CFAP299: variants seen among roughly 807,000 people sequenced by gnomAD.
The protein encoded by CFAP299 is cilia and flagella associated protein 299.
In CFAP299, 21 loss-of-function variants were observed where a neutral mutation model predicts 27.0. The ratio of observed to expected loss-of-function variants is 0.78; its 90% confidence interval spans 0.55 to 1.12. The LOEUF is 1.12. CFAP299 is among the 50% of genes most tolerant of loss of function. CFAP299 has a pLI of 0.00. For synonymous variants in CFAP299, 104 were observed against 98.1 expected, an observed-to-expected ratio of 1.06 and a Z score of -0.36; for missense variants, 310 against 276.6, an observed-to-expected ratio of 1.12 and a Z score of -0.86.
At chr4:80,387,641 C>T (rs1302261173) in intron 2 of CFAP299, 1 of 1,516,312 alleles carries the variant, frequency 6.6e-7, no homozygotes, top group Non-Finnish European at 9.2e-7. Flanking sequence ...GAAGGCCATA[C>T]CTTGTGGGTC....
intron 3 of CFAP299, among the ~76,000 whole-genome samples, chr4:80,743,958 G>A (rs1488084552): frequency 2.0e-5 from 3 of 152,146 alleles, no homozygotes; most frequent in Non-Finnish European, 1.5e-5. Flanking sequence ...CTGTTCCTTG[G>A]GAGATTTACT....
intron 4 of CFAP299, among the ~76,000 whole-genome samples, chr4:80,883,294 AG>A (rs1733806078): frequency 6.6e-6 from 1 of 152,178 alleles, no homozygotes; most frequent in Non-Finnish European, 1.5e-5. Flanking sequence ...TGCAAGATAC[AG>A]AAAATATAAA....
At chr4:80,850,979 T>C (rs1489535466) in intron 3 of CFAP299, among the ~76,000 whole-genome samples, 4 of 152,088 alleles carry the variant, frequency 2.6e-5, no homozygotes, top group Non-Finnish European at 5.9e-5. Context: ...TGGTTGATAG[T>C]GTAGATATTT....
At chr4:80,571,077 G>A (rs906090745) in intron 2 of CFAP299, among the ~76,000 whole-genome samples, 1 of 152,060 alleles carries the variant, frequency 6.6e-6, no homozygotes, top group African/African-American at 2.4e-5. Flanking sequence ...CTAAAATTTG[G>A]AGACTGACAT....
chr4:80,517,945 TGCTG>T (rs1732668377), intron 2 of CFAP299, among the ~76,000 whole-genome samples: 1 of 152,114 alleles, frequency 6.6e-6, no homozygotes. Context: ...CTGGGTGCCT[TGCTG>T]AGATCTAAGA....
intron 2 of CFAP299, among the ~76,000 whole-genome samples, chr4:80,555,874 A>C (rs1250576608): frequency 1.3e-5 from 2 of 151,822 alleles, no homozygotes; most frequent in Non-Finnish European, 2.9e-5. Context: ...GTTTATTTGG[A>C]TCTTCTATCT....
At chr4:80,942,665 A>G (rs1431953331) in intron 4 of CFAP299, among the ~76,000 whole-genome samples, 1 of 152,176 alleles carries the variant, frequency 6.6e-6, no homozygotes, top group African/African-American at 2.4e-5. Flanking sequence ...GACTTCAATA[A>G]GACTTTTAAT....
chr4:80,700,080 A>G (rs1721377097), intron 3 of CFAP299, among the ~76,000 whole-genome samples: 1 of 152,140 alleles, frequency 6.6e-6, no homozygotes, highest in African/African-American at 2.4e-5. Context: ...CTAACCCAAT[A>G]AAGGAAGTGA....
intron 2 of CFAP299, among the ~76,000 whole-genome samples, chr4:80,462,793 A>G (rs1223809763): frequency 6.6e-6 from 1 of 152,100 alleles, no homozygotes; most frequent in African/African-American, 2.4e-5. Context: ...TCATTAGTCT[A>G]TTACTCAGCA....
intron 4 of CFAP299, among the ~76,000 whole-genome samples, chr4:80,943,850 C>T (rs113309012): frequency 5.2e-4 from 79 of 151,958 alleles, no homozygotes; most frequent in African/African-American, 1.7e-3. Flanking sequence ...GGGCAGATCA[C>T]GAGGTCAAAA....
At chr4:80,661,622 C>T (rs1740852403) in intron 3 of CFAP299, among the ~76,000 whole-genome samples, 1 of 152,066 alleles carries the variant, frequency 6.6e-6, no homozygotes, top group Non-Finnish European at 1.5e-5. Flanking sequence ...AATGTCGCCT[C>T]AGGACCCTGT....
At chr4:80,673,354 A>T (rs1444990495) in intron 3 of CFAP299, among the ~76,000 whole-genome samples, 1 of 152,096 alleles carries the variant, frequency 6.6e-6, no homozygotes, top group Admixed American at 6.6e-5. Flanking sequence ...TTCTACTTTG[A>T]TTGCACTGTG....
At chr4:80,586,158 G>A (rs1736425415) in intron 3 of CFAP299, among the ~76,000 whole-genome samples, 1 of 151,974 alleles carries the variant, frequency 6.6e-6, no homozygotes, top group South Asian at 2.1e-4. Context: ...TCTTTGTAAG[G>A]TGGGAATTAA....
At chr4:80,390,859 G>GTATAGGCGCACATATATGTATATA (rs1725409057) in intron 2 of CFAP299, among the ~76,000 whole-genome samples, 2 of 119,886 alleles carry the variant, frequency 1.7e-5, no homozygotes, top group African/African-American at 6.0e-5. Flanking sequence ...ATATGTATAT[G>GTATAGGCGCACATATATGTATATA]TATATGCGCA....
At chr4:80,903,880 ATAAAGT>A (rs1181818948) in intron 4 of CFAP299, among the ~76,000 whole-genome samples, 1 of 152,196 alleles carries the variant, frequency 6.6e-6, no homozygotes, top group Non-Finnish European at 1.5e-5. Flanking sequence ...TCATAGAAAA[ATAAAGT>A]TAAAGTCATA....
At chr4:80,787,016 G>A (rs948298912) in intron 3 of CFAP299, among the ~76,000 whole-genome samples, 9 of 151,866 alleles carry the variant, frequency 5.9e-5, no homozygotes, top group East Asian at 1.9e-4. Flanking sequence ...TCAGAGATTT[G>A]TCCCAATAAA....
chr4:80,921,244 C>T (rs1578239901), intron 4 of CFAP299, among the ~76,000 whole-genome samples: 1 of 152,066 alleles, frequency 6.6e-6, no homozygotes, highest in Non-Finnish European at 1.5e-5. Flanking sequence ...CAATTCCTTC[C>T]CTCAAGGAAC....
chr4:80,546,705 T>C (rs978499034), intron 2 of CFAP299, among the ~76,000 whole-genome samples: 2 of 152,116 alleles, frequency 1.3e-5, no homozygotes, highest in African/African-American at 2.4e-5. Flanking sequence ...ACTCCTACTC[T>C]CTCTTGCTCC....
At chr4:80,842,730 C>T (rs1009970487) in intron 3 of CFAP299, among the ~76,000 whole-genome samples, 4 of 152,028 alleles carry the variant, frequency 2.6e-5, no homozygotes, top group South Asian at 2.1e-4. Flanking sequence ...TGCCCCTTCA[C>T]GTGATTAGGC....
Sources: gnomAD v4.1 joint callset for allele counts (sites outside exome capture counted in the v4.1 genomes callset) on GRCh38, gnomAD v4.1.1 for gene constraint, MANE v1.5 for transcripts, NCBI Gene and HGNC (gene_info 2026-07-23, HGNC 2026-07-21) for gene names.